The following SNX19 variants were observed in gnomAD, a reference collection of about 807,000 sequenced individuals.
SNX19 encodes sorting nexin 19.
Under a neutral mutation model 85.2 loss-of-function variants are expected in SNX19, and 60 were observed. That is an observed-to-expected ratio of 0.70 (90% CI 0.57 to 0.87). SNX19 has a LOEUF of 0.87. SNX19 is among the 40% of genes least tolerant of loss of function. SNX19 has a pLI of 0.00. For synonymous variants in SNX19, 520 were observed against 470.0 expected, an observed-to-expected ratio of 1.11 and a Z score of -1.38; for missense variants, 1,201 against 1,217.8, an observed-to-expected ratio of 0.99 and a Z score of 0.21.
Position 130,908,044 on chromosome 11 carries a change from A to C in SNX19, c.2074T>G (p.Phe692Val). ...SAIVDTLKTAFPRSEPQSPTE... is the reference protein window; with the variant it reads ...SAIVDTLKTAVPRSEPQSPTE... ...GGGCTCTGGGGTTCAGAGCGAGGAA[A>C]CGCTGTCTTCAAGGTGTCCACAATG... The change falls in exon 5 of 11, where the codon TTT (phenylalanine) becomes GTT (valine). Residue 692 changes from phenylalanine to valine, a missense_variant. Physicochemically the swap from Phe to Val is conservative, Grantham distance 50. Coordinates refer to ENST00000265909, the MANE Select transcript of SNX19 (RefSeq NM_014758.3). The C allele has an allele frequency of 6.2e-7, 1 of 1,614,116 alleles. No individual in the cohort carries two copies. Among genetic ancestry groups the C allele is most frequent in the Non-Finnish European group, 8.5e-7 (1 of 1,180,018 alleles).
At chr11:130,898,253 G>T (rs1328634307) in intron 8 of SNX19, among the ~76,000 whole-genome samples, 1 of 151,926 alleles carries the variant, frequency 6.6e-6, no homozygotes, top group Admixed American at 6.6e-5. Flanking sequence ...AAAGTTGCAA[G>T]ATGGGTATAC....
chr11:130,910,952 T>C (rs927530790), intron 2 of SNX19, among the ~76,000 whole-genome samples: 3 of 152,166 alleles, frequency 2.0e-5, no homozygotes, highest in African/African-American at 4.8e-5. Flanking sequence ...CCCAGCACTT[T>C]AGGAGGCCGA....
At chr11:130,907,818 A>G in intron 5 of SNX19, 135 bp downstream of exon 5, 3 of 1,347,528 alleles carry the variant, frequency 2.2e-6, no homozygotes, top group Non-Finnish European at 3.0e-6. Flanking sequence ...CCTGGGGTCT[A>G]GCTTTGCCTA....
chr11:130,901,129 T>C (rs1565533397), intron 8 of SNX19, among the ~76,000 whole-genome samples: 1 of 152,156 alleles, frequency 6.6e-6, no homozygotes, highest in Non-Finnish European at 1.5e-5. Flanking sequence ...CTGCAGGATG[T>C]TTAGCAGCAT....
chr11:130,905,908 C>G, intron 7 of SNX19, 45 bp downstream of exon 7: 1 of 1,614,022 alleles, frequency 6.2e-7, no homozygotes, highest in Non-Finnish European at 8.5e-7. Context: ...AAGTGGATGC[C>G]ACCCTGGCTC....
Position 130,915,452 on chromosome 11 carries a change from C to A in SNX19, c.488G>T (p.Gly163Val), listed in dbSNP as rs1267828710. The A allele has an allele frequency of 2.5e-6, 4 of 1,613,950 alleles. No homozygotes were observed. The highest frequency in any genetic ancestry group is 2.7e-5 in the African/African-American group (2 of 74,952). ...AVAQSVLTLCGCHLQSYIQAK... is the reference protein window; with the variant it reads ...AVAQSVLTLCVCHLQSYIQAK... The stretch of plus-strand genomic sequence containing the variant: ...CTGAATGTAGCTCTGCAGGTGACAA[C>A]CGCAGAGAGTCAGAACACTCTGGGC... Residue 163 changes from glycine (G) to valine (V), a missense_variant, in exon 1 of 11, where the codon GGT (glycine) becomes GTT (valine). Gly to Val is a moderately radical substitution (Grantham distance 109). This residue lies in a region of SNX19 where 791 missense variants were observed against 750.9 expected (regional missense o/e 1.05). Coordinates refer to ENST00000265909, the MANE Select transcript of SNX19 (RefSeq NM_014758.3).
At position 130,910,212 on chromosome 11, in the gene SNX19, T is replaced by C. The variant is rs1202432282; in HGVS notation, c.1914+58A>G. 1.9e-6 allele frequency: 3 copies of C among 1,612,518 alleles called. No individual in the cohort carries two copies. In the Admixed American group the frequency reaches 5.0e-5, roughly 27 times the overall value. On this transcript the variant is annotated intron_variant, in intron 3 of 10. Transcript: ENST00000265909. ...AATCTCTCCACCTTGGCTTGGGTGT[T>C]CTGGGGTTAGACACCCAGGTTAAAG...
Position 130,916,094 on chromosome 11 carries a change from G to A in SNX19, c.-155C>T. The stretch of plus-strand genomic sequence containing the variant: ...AGGCCCTCAAAGTCCTACAGGCACT[G>A]CAAAGCGACAGCTGCAGCTCCGCGT... On this transcript the variant is annotated 5_prime_UTR_variant, in exon 1 of 11. The change creates a premature stop within an existing upstream ORF in the 5' untranslated region. Coordinates refer to ENST00000265909, the MANE Select transcript of SNX19 (RefSeq NM_014758.3). The A allele has an allele frequency of 1.6e-6, 1 of 643,974 alleles. No homozygotes were observed. The highest frequency in any genetic ancestry group is 2.7e-6 in the Non-Finnish European group (1 of 374,796). 39.9% of individuals were successfully genotyped at this position (643,974 alleles called of 1,614,324 possible).
rs1355427437 is a variant in SNX19 at position 130,871,075 on chromosome 11, A to AATC, written c.*7344_*7346dup. The stretch of plus-strand genomic sequence containing the variant: ...CTTGCCCAGCTGGAGAAGAGAAGGT[A>AATC]ATCTACCACGTGGAAGGAAGGACAT... On this transcript the variant is annotated 3_prime_UTR_variant, in exon 11 of 11. Transcript: ENST00000265909. Among the ~76,000 whole-genome samples the AATC allele has an allele frequency of 4.6e-5, 7 of 152,290 alleles. No individual in the cohort carries two copies. The East Asian group carries it at 1.4e-3, about 30-fold the overall frequency.
intron 8 of SNX19, among the ~76,000 whole-genome samples, chr11:130,891,273 G>A (rs1441382745): frequency 6.6e-6 from 1 of 152,198 alleles, no homozygotes; most frequent in Non-Finnish European, 1.5e-5. Context: ...CGATAGAGCT[G>A]ATGTTGTAAC....
At chr11:130,909,170 G>A (rs1945894994) in intron 4 of SNX19, among the ~76,000 whole-genome samples, 1 of 152,332 alleles carries the variant, frequency 6.6e-6, no homozygotes, top group Middle Eastern at 3.4e-3. Flanking sequence ...AGAGTGTCTG[G>A]CTGAAAACAG....
In SNX19 at chr11:130,872,774, C is replaced by T. The variant is rs1056818174; in HGVS notation, c.*5648G>A. ...TCGACTACAAAAGTATCATGGTTTCCCTTCCTCCCCAGTTACCATTCTTTC... is the reference window on the plus strand; with the variant it reads ...TCGACTACAAAAGTATCATGGTTTCTCTTCCTCCCCAGTTACCATTCTTTC... On this transcript the variant is annotated 3_prime_UTR_variant, in exon 11 of 11. Coordinates refer to ENST00000265909, the MANE Select transcript of SNX19 (RefSeq NM_014758.3). Among the ~76,000 whole-genome samples, 1 of 152,160 alleles carries T rather than the reference C, an allele frequency of 6.6e-6. No individual in the cohort carries two copies. The highest frequency in any genetic ancestry group is 1.5e-5 in the Non-Finnish European group (1 of 68,044).
intron 9 of SNX19, 120 bp downstream of exon 9, chr11:130,880,501 GT>G (rs1943580100): frequency 1.1e-6 from 1 of 876,782 alleles, no homozygotes; most frequent in East Asian, 2.5e-5. Context: ...GGTCAACAGA[GT>G]TTTGAATCTA....
intron 8 of SNX19, among the ~76,000 whole-genome samples, chr11:130,888,680 T>G (rs1285492451): frequency 6.6e-6 from 1 of 152,234 alleles, no homozygotes; most frequent in Non-Finnish European, 1.5e-5. Context: ...CTTTAACCAT[T>G]TTTTAAAAAG....
intron 8 of SNX19, among the ~76,000 whole-genome samples, chr11:130,896,186 G>A (rs1944865832): frequency 6.6e-6 from 1 of 152,210 alleles, no homozygotes. Flanking sequence ...TTCTAGAAAA[G>A]CTGTGCATAG....
intron 8 of SNX19, among the ~76,000 whole-genome samples, chr11:130,891,551 A>G (rs1247523710): frequency 6.6e-6 from 1 of 152,234 alleles, no homozygotes; most frequent in Non-Finnish European, 1.5e-5. Context: ...TATGAGGACT[A>G]TGAGTCACAC....
rs550353430 is a variant in SNX19 at position 130,877,585 on chromosome 11, T to G, written c.*837A>C. 1 of 152,674 alleles carries G rather than the reference T, an allele frequency of 6.5e-6. No individual in the cohort carries two copies. Among genetic ancestry groups the G allele is most frequent in the South Asian group, 2.1e-4 (1 of 4,832 alleles). The allele number at this position is 152,674 out of a possible 1,614,324, so 9.5% of individuals were successfully genotyped here. ...CTGAGGCTGAATATGCAGCTTGTCA[T>G]GCAGTTTTGCTGAAGACAGAGAGAG... is the stretch of plus-strand genomic sequence containing the variant. On this transcript the variant is annotated 3_prime_UTR_variant, in exon 11 of 11. Transcript: ENST00000265909.
At chr11:130,888,990 CTGAA>C (rs1944296723) in intron 8 of SNX19, among the ~76,000 whole-genome samples, 1 of 152,178 alleles carries the variant, frequency 6.6e-6, no homozygotes, top group South Asian at 2.1e-4. Context: ...TCATTCACTG[CTGAA>C]TGAATGAATA....
intron 8 of SNX19, among the ~76,000 whole-genome samples, chr11:130,901,557 G>A (rs149618414): frequency 1.3e-5 from 2 of 152,072 alleles, no homozygotes; most frequent in African/African-American, 2.4e-5. Context: ...AAGGCCTGGG[G>A]GTAAAAGACC....
Sources: gnomAD v4.1 joint callset for allele counts (sites outside exome capture counted in the v4.1 genomes callset) on GRCh38, gnomAD v4.1.1 for gene constraint, gnomAD v4.1.1 regional missense constraint, MANE v1.5 for transcripts, NCBI Gene and HGNC (gene_info 2026-07-23, HGNC 2026-07-21) for gene names.